The following ZNF785 variants were observed in gnomAD, a reference collection of about 807,000 sequenced individuals.
The protein encoded by ZNF785 is zinc finger protein 785.
A neutral mutation model predicts 11.3 loss-of-function variants in ZNF785; 15 were observed. The observed-to-expected ratio is 1.32, with a 90% confidence interval of 0.89 to 2.04. ZNF785 has a LOEUF of 2.04. ZNF785 is among the 30% of genes most tolerant of loss of function. The pLI, the probability that ZNF785 is intolerant of heterozygous loss-of-function variation, is 0.00. For synonymous variants in ZNF785, 221 were observed against 231.0 expected (o/e 0.96, Z 0.39); for missense variants, 572 against 560.9 (o/e 1.02, Z -0.20).
rs1479418137 is a variant in ZNF785 at position 30,585,338 on chromosome 16, C to A, written c.205+69G>T. ...CGGCGCCCCGCTTCCAGCCCACTAGCCTCTGGGGACACCGATCACCGCTTC... is the reference window on the plus strand; with the variant it reads ...CGGCGCCCCGCTTCCAGCCCACTAGACTCTGGGGACACCGATCACCGCTTC... On this transcript the variant is annotated intron_variant, in intron 1 of 2. Transcript: ENST00000395216. The surrounding 1 kb of genome is among the most constrained non-coding windows in gnomAD (Gnocchi z 4.0). 2 of 1,577,948 alleles carry A rather than the reference C, an allele frequency of 1.3e-6. No homozygotes were observed. The highest frequency in any genetic ancestry group is 2.3e-5 in the East Asian group (1 of 43,434).
rs2051815469 is a variant in ZNF785 at position 30,581,917 on chromosome 16, C to G, written c.*643G>C. The stretch of plus-strand genomic sequence containing the variant: ...CCTGGCCAAGATGGTGGAACCCCGT[C>G]TCTACTAACAGCACAAAAATTAGCT... On this transcript the variant is annotated 3_prime_UTR_variant, in exon 3 of 3. Coordinates refer to ENST00000395216, the MANE Select transcript of ZNF785 (RefSeq NM_152458.7). 1 of 152,338 alleles carries G rather than the reference C, an allele frequency of 6.6e-6. No individual in the cohort carries two copies. The allele number at this position is 152,338 out of a possible 1,614,324, so 9.4% of individuals were successfully genotyped here. A position where few individuals can be genotyped will look rare whatever the true frequency, so the allele number is the denominator to read the frequency against.
chr16:30,583,121 C>T lies in ZNF785; in HGVS notation c.657G>A (p.Gln219=), dbSNP rs781491680. The part of the protein sequence containing the change: ...FSQRRYLLQH[Q]FIHTGEKPYP... Reference sequence around the variant, plus strand: ...AGGGCTTCTCGCCGGTGTGGATGAACTGATGCTGGAGCAGGTACCTGCGCT... The same window carrying T: ...AGGGCTTCTCGCCGGTGTGGATGAATTGATGCTGGAGCAGGTACCTGCGCT... The change falls in exon 3 of 3, where the codon CAG becomes CAA. Residue 219 remains glutamine (Q), a synonymous_variant. Transcript: ENST00000395216. 6.2e-7 allele frequency: 1 copy of T among 1,614,142 alleles called. No homozygotes were observed.
Position 30,585,667 on chromosome 16 carries a change from CGCTTTCCT to C in ZNF785, c.-64_-57del. On this transcript the variant is annotated 5_prime_UTR_variant, in exon 1 of 3. Coordinates refer to ENST00000395216, the MANE Select transcript of ZNF785 (RefSeq NM_152458.7). This position sits in a 1 kb window ranked among gnomAD's most constrained non-coding sequence, Gnocchi z 4.0. ...CTTCCGGGGAAGGTGGAGATGCTGGCGCTTTCCTGTCTTTCCTCAGACAAGTCCGTAAG... is the reference window on the plus strand; with the variant it reads ...CTTCCGGGGAAGGTGGAGATGCTGGCGTCTTTCCTCAGACAAGTCCGTAAG... The C allele has an allele frequency of 1.4e-6, 2 of 1,444,292 alleles. No individual in the cohort carries two copies. Among genetic ancestry groups the C allele is most frequent in the Non-Finnish European group, 1.8e-6 (2 of 1,106,216 alleles). 89.5% of individuals were successfully genotyped at this position (1,444,292 alleles called of 1,614,324 possible).
chr16:30,580,312 C>A (rs1373497611), downstream of ZNF785, among the ~76,000 whole-genome samples: 1 of 151,518 alleles, frequency 6.6e-6, no homozygotes, highest in South Asian at 2.1e-4. Flanking sequence ...CTCAGCCTCC[C>A]AAGAAGCTGG....
rs752218641 is a variant in ZNF785, at chr16:30,585,437, G to A, written c.175C>T (p.Arg59Trp). 1.3e-6 allele frequency: 2 copies of A among 1,599,020 alleles called. No individual in the cohort carries two copies. The highest frequency in any genetic ancestry group is 4.5e-5 in the East Asian group (2 of 44,224). Residue 59 changes from arginine (R) to tryptophan (W), a missense_variant, in exon 1 of 3, where the codon CGG becomes TGG. By Grantham distance (101) the Arg-to-Trp change is moderately radical. Transcript: ENST00000395216. The surrounding 1 kb of genome is among the most constrained non-coding windows in gnomAD (Gnocchi z 4.0). ...AQRALYRDVMRETFGHLGALG... is the reference protein window; with the variant it reads ...AQRALYRDVMWETFGHLGALG... ...GCGCCCAGGTGGCCGAAGGTCTCCC[G>A]CATCACGTCCCGGTACAGGGCCCTC...
In ZNF785 at chr16:30,585,108, T is replaced by C. The variant is rs139963083; in HGVS notation, c.334+14A>G. ...GTTGGGGCTTCTCCACGGCTACTTA[T>C]CCAAATGAAGTACCTGCTTCCTGTC... On this transcript the variant is annotated intron_variant, in intron 2 of 2. Coordinates refer to ENST00000395216, the MANE Select transcript of ZNF785 (RefSeq NM_152458.7). The surrounding 1 kb of genome is among the most constrained non-coding windows in gnomAD (Gnocchi z 4.0). 3.3e-4 allele frequency: 523 copies of C among 1,601,234 alleles called. No homozygotes were observed. In the African/African-American group the frequency reaches 6.1e-3, roughly 19 times the overall value.
In ZNF785 at chr16:30,585,217, C is replaced by G. The variant is rs147854775; in HGVS notation, c.239G>C (p.Trp80Ser). Residue 80 changes from tryptophan to serine, a missense_variant, in exon 2 of 3, where the codon TGG (tryptophan) becomes TCG (serine). Coordinates refer to ENST00000395216, the MANE Select transcript of ZNF785 (RefSeq NM_152458.7). The surrounding 1 kb of genome is among the most constrained non-coding windows in gnomAD (Gnocchi z 4.0). ...FSVPKPAFIS[W>S]VEGEVEAWSP... Reference sequence around the variant, plus strand: ...CCACGCCTCCACTTCTCCTTCCACCCACGAGATAAAAGCGGGTTTGGGAAC... The same window carrying G: ...CCACGCCTCCACTTCTCCTTCCACCGACGAGATAAAAGCGGGTTTGGGAAC... 6.2e-7 allele frequency: 1 copy of G among 1,614,166 alleles called. No homozygotes were observed. Among genetic ancestry groups the G allele is most frequent in the South Asian group, 1.1e-5 (1 of 91,076 alleles).
downstream of ZNF785, chr16:30,578,943 C>G (rs1392597200): frequency 6.6e-6 from 1 of 151,826 alleles, no homozygotes; most frequent in Admixed American, 6.6e-5. Context: ...CACCCTCCCC[C>G]ACCATGCTCG....
downstream of ZNF785, chr16:30,579,469 CCT>C (rs2051778780): frequency 1.1e-5 from 2 of 185,572 alleles, no homozygotes; most frequent in Admixed American, 5.8e-5. Flanking sequence ...CTTACTGCAA[CCT>C]CTGTCTCCCA....
At chr16:30,579,616 G>T, downstream of ZNF785, 3 of 345,698 alleles carry the variant, frequency 8.7e-6, no homozygotes, top group South Asian at 6.6e-5. Context: ...CTGACCTCAA[G>T]TGATTAACCA....
rs184075766 is a variant in ZNF785, at chr16:30,582,486, T to C, written c.*74A>G. 1.1e-5 allele frequency: 18 copies of C among 1,574,712 alleles called. No homozygotes were observed. The African/African-American group carries it at 2.2e-4, about 19-fold the overall frequency. On this transcript the variant is annotated 3_prime_UTR_variant, in exon 3 of 3. Transcript: ENST00000395216. ...TGTTTTCCTCAAACGCCCACTTCCT[T>C]TCCTTATCCCCCAAATACACAAACC...
Position 30,585,146 on chromosome 16 carries a change from T to C in ZNF785, c.310A>G (p.Ser104Gly). 1.2e-6 allele frequency: 2 copies of C among 1,613,490 alleles called. No homozygotes were observed. Among genetic ancestry groups the C allele is most frequent in the Non-Finnish European group, 1.7e-6 (2 of 1,179,542 alleles). Residue 104 changes from serine (S) to glycine (G), a missense_variant, in exon 2 of 3, where the codon AGC (serine) becomes GGC (glycine). Coordinates refer to ENST00000395216, the MANE Select transcript of ZNF785 (RefSeq NM_152458.7). The surrounding 1 kb of genome is among the most constrained non-coding windows in gnomAD (Gnocchi z 4.0). ...CCTGCTTCCTGTCCTTGGCCCCTGCTGAAAGCTGCAGAGCTCTCACCGTCG... is the reference window on the plus strand; with the variant it reads ...CCTGCTTCCTGTCCTTGGCCCCTGCCGAAAGCTGCAGAGCTCTCACCGTCG... ...DPDGESSAAF[S>G]RGQGQEAGSR...
downstream of ZNF785, among the ~76,000 whole-genome samples, chr16:30,580,336 C>T (rs1318714141): frequency 1.4e-5 from 2 of 146,448 alleles, no homozygotes; most frequent in Admixed American, 6.8e-5. Flanking sequence ...TACAGGTGCA[C>T]GCCACCAGGC....
At chr16:30,584,080 G>A (rs62057168) in intron 2 of ZNF785, among the ~76,000 whole-genome samples, 1 of 150,712 alleles carries the variant, frequency 6.6e-6, no homozygotes, top group Non-Finnish European at 1.5e-5. Flanking sequence ...GGGAGGTGGA[G>A]GTTGCAGTGA....
rs2051874444 is a variant in ZNF785 at position 30,585,191 on chromosome 16, T to C, written c.265A>G (p.Ser89Gly). The stretch of plus-strand genomic sequence containing the variant: ...CCGTCGGGATCCTGGGCCTCCGGGC[T>C]CCACGCCTCCACTTCTCCTTCCACC... ...SWVEGEVEAW[S>G]PEAQDPDGES... Residue 89 changes from serine (S) to glycine (G), a missense_variant, in exon 2 of 3, where the codon AGC becomes GGC. By Grantham distance (56) the Ser-to-Gly change is moderately conservative. Transcript: ENST00000395216. The surrounding 1 kb of genome is among the most constrained non-coding windows in gnomAD (Gnocchi z 4.0). 1 of 1,614,024 alleles carries C rather than the reference T, an allele frequency of 6.2e-7. No individual in the cohort carries two copies. The highest frequency in any genetic ancestry group is 1.3e-5 in the African/African-American group (1 of 74,926).
rs1252097729 is a variant in ZNF785, at chr16:30,583,079, G to A, written c.699C>T (p.Cys233=). 7 of 1,613,948 alleles carry A rather than the reference G, an allele frequency of 4.3e-6. No homozygotes were observed. Among genetic ancestry groups the A allele is most frequent in the African/African-American group, 2.7e-5 (2 of 74,924 alleles). ...AACCCCTCTGGCGGAAGCGGCGCCCGCAGTCGGGGCAGGGGTAGGGCTTCT... is the reference window on the plus strand; with the variant it reads ...AACCCCTCTGGCGGAAGCGGCGCCCACAGTCGGGGCAGGGGTAGGGCTTCT... ...TGEKPYPCPD[C]GRRFRQRGSL... is the part of the protein sequence containing the mutation. The change falls in exon 3 of 3, where the codon TGC becomes TGT. Residue 233 remains cysteine (C), a synonymous_variant. Coordinates refer to ENST00000395216, the MANE Select transcript of ZNF785 (RefSeq NM_152458.7).
chr16:30,582,755 G>A lies in ZNF785; in HGVS notation c.1023C>T (p.Pro341=), dbSNP rs371079967. 11 of 1,608,206 alleles carry A rather than the reference G, an allele frequency of 6.8e-6. No individual in the cohort carries two copies. The highest frequency in any genetic ancestry group is 6.8e-6 in the Non-Finnish European group (8 of 1,175,940). ...RRIHSDSRPF[P]CVECGKGFKR... ...TGAAGCCTTTCCCACACTCCACGCA[G>A]GGGAAGGGCCGGCTGTCGGAGTGAA... Residue 341 remains proline (P), a synonymous_variant, in exon 3 of 3, where the codon CCC becomes CCT. Transcript: ENST00000395216.
downstream of ZNF785, among the ~76,000 whole-genome samples, chr16:30,580,071 TA>T (rs762375043): frequency 2.6e-5 from 4 of 151,434 alleles, no homozygotes; most frequent in Non-Finnish European, 4.4e-5. Context: ...GTATTTTTAG[TA>T]GAGATGGGGT....
chr16:30,585,026 G>T lies in ZNF785; in HGVS notation c.334+96C>A. 1.3e-6 allele frequency: 2 copies of T among 1,491,932 alleles called. No individual in the cohort carries two copies. Among genetic ancestry groups the T allele is most frequent in the Non-Finnish European group, 9.0e-7 (1 of 1,110,262 alleles). The allele number at this position is 1,491,932 out of a possible 1,614,324, so 92.4% of individuals were successfully genotyped here. ...TCTGGGGTAGGGTGCAGGGAGACAG[G>T]ATGGGACTTTGGAGGGGGCAGCCTG... On this transcript the variant is annotated intron_variant, in intron 2 of 2. Transcript: ENST00000395216. This position sits in a 1 kb window ranked among gnomAD's most constrained non-coding sequence, Gnocchi z 4.0.
Sources: allele counts gnomAD v4.1 joint callset (sites outside exome capture counted in the v4.1 genomes callset), GRCh38; gene constraint gnomAD v4.1.1; non-coding constraint Gnocchi (gnomAD v3.1); transcripts MANE v1.5; gene names NCBI Gene and HGNC (gene_info 2026-07-23, HGNC 2026-07-21).